EDA2R: variants seen among roughly 807,000 people sequenced by gnomAD.
EDA2R encodes the protein ectodysplasin A2 receptor.
EDA2R carries 26 observed loss-of-function variants against 20.1 expected under a neutral mutation model. The observed-to-expected ratio is 1.30, with a 90% CI of 0.95 to 1.80. The LOEUF (loss-of-function observed/expected upper bound fraction) is 1.80. Ranked by LOEUF, EDA2R falls within the 40% of genes most tolerant of loss-of-function variation. EDA2R has a pLI of 0.00. For missense variants in EDA2R, 277 were observed against 228.7 expected (o/e 1.21, Z -1.36); for synonymous variants, 114 against 88.7 (o/e 1.29, Z -1.60).
chrX:66,615,949 T>A lies in EDA2R; in HGVS notation c.72A>T (p.Gly24=). Residue 24 remains glycine (G), a synonymous_variant, in exon 2 of 7, where the codon GGA becomes GGT. Transcript: ENST00000374719. ...GATAACTTACCTTGGATAGCTCCTG[T>A]CCAGGACCACACCGTTGGCAGGTGA... The part of the protein sequence containing the change: ...RCVTCQRCGP[G]QELSKDCGYG... 1 of 1,209,449 alleles carries A rather than the reference T, an allele frequency of 8.3e-7. No homozygotes were observed. Among genetic ancestry groups the A allele is most frequent in the African/African-American group, 1.7e-5 (1 of 57,767 alleles).
intron 2 of EDA2R, among the ~76,000 whole-genome samples, chrX:66,608,095 A>G (rs1337471226): frequency 1.8e-5 from 2 of 111,942 alleles, no homozygotes; most frequent in Non-Finnish European, 3.8e-5. Flanking sequence ...AAACTTCACT[A>G]GAGAATTTGA....
intron 3 of EDA2R, 51 bp from the exon 4 acceptor site, chrX:66,604,557 T>A (rs892899151): frequency 1.1e-5 from 12 of 1,085,294 alleles, no homozygotes; most frequent in Admixed American, 9.2e-5. Context: ...AGCAATGCAC[T>A]TGGACCAGTT....
In EDA2R at chrX:66,599,474, C is replaced by T. The variant is rs762978487; in HGVS notation, c.*10G>A. ...TTTCTGATCCACCTTTCCAGCTCACCTCATTAGAGTTAAGGGCTGGGAACT... is the reference window on the plus strand; with the variant it reads ...TTTCTGATCCACCTTTCCAGCTCACTTCATTAGAGTTAAGGGCTGGGAACT... On this transcript the variant is annotated splice_region_variant and 3_prime_UTR_variant, in exon 6 of 7. Coordinates refer to ENST00000374719, the MANE Select transcript of EDA2R (RefSeq NM_021783.5). The T allele has an allele frequency of 3.5e-6, 4 of 1,134,529 alleles. No homozygotes were observed. The African/African-American group carries it at 5.5e-5, about 16-fold the overall frequency. The allele number at this position is 1,134,529 out of a possible 1,213,427, so 93.5% of individuals were successfully genotyped here.
At position 66,610,239 on chromosome X, in the gene EDA2R, TTAGA is replaced by T. The variant is rs759860334; in HGVS notation, c.88-5017_88-5014del. Among the ~76,000 whole-genome samples the T allele has an allele frequency of 6.2e-5, 6 of 96,323 alleles. No individual in the cohort carries two copies. In the South Asian group the frequency reaches 2.5e-3, roughly 41 times the overall value. 83.6% of individuals were successfully genotyped at this position (96,323 alleles called of 115,157 possible). On this transcript the variant is annotated intron_variant, in intron 2 of 6. Transcript: ENST00000374719. ...AAAAAGAAACACAAACAGCTCTTAT[TTAGA>T]TAAAGGATGTCTCTTAACCAGATAC...
chrX:66,601,483 C>T (rs190261255), intron 5 of EDA2R, among the ~76,000 whole-genome samples: 7 of 111,708 alleles, frequency 6.3e-5, no homozygotes, highest in African/African-American at 2.0e-4. Flanking sequence ...TATTCATCTC[C>T]AATTAAGCCA....
intron 6 of EDA2R, among the ~76,000 whole-genome samples, chrX:66,598,305 C>T (rs1927822462): frequency 1.8e-5 from 2 of 112,097 alleles, no homozygotes; most frequent in South Asian, 3.7e-4. Flanking sequence ...GCTCCACATA[C>T]TTTAGAAGAA....
intron 4 of EDA2R, among the ~76,000 whole-genome samples, 186 bp from the exon 5 acceptor site, chrX:66,602,983 A>G (rs1443264752): frequency 8.9e-6 from 1 of 112,285 alleles, no homozygotes. Context: ...AATAATTTGT[A>G]TATAGTGCTG....
intron 1 of EDA2R, among the ~76,000 whole-genome samples, chrX:66,632,610 A>AG (rs1360309512): frequency 3.1e-5 from 3 of 95,515 alleles, no homozygotes; most frequent in Admixed American, 1.0e-4. Flanking sequence ...CCAGAGAAGA[A>AG]AAAAAAAAAA....
intron 1 of EDA2R, 34 bp from the exon 2 acceptor site, chrX:66,616,064 G>A (rs779780449): frequency 4.8e-5 from 49 of 1,029,434 alleles, no homozygotes; most frequent in Non-Finnish European, 6.3e-5. Flanking sequence ...TAGCAAGCTA[G>A]TGGGAAGGGA....
At chrX:66,630,955 G>A (rs920878622) in intron 1 of EDA2R, among the ~76,000 whole-genome samples, 2 of 108,857 alleles carry the variant, frequency 1.8e-5, no homozygotes, top group African/African-American at 6.7e-5. Flanking sequence ...ACGTATGTGT[G>A]TATACATACA....
At chrX:66,612,863 A>T (rs374627631) in intron 2 of EDA2R, among the ~76,000 whole-genome samples, 53 of 111,314 alleles carry the variant, frequency 4.8e-4, no homozygotes, top group African/African-American at 1.4e-3. Context: ...ATTTATTGAG[A>T]ATTCTCCTTC....
intron 2 of EDA2R, 84 bp downstream of exon 2, chrX:66,615,850 A>G (rs1472340843): frequency 1.4e-6 from 1 of 728,956 alleles, no homozygotes; most frequent in East Asian, 3.4e-5. Flanking sequence ...AGTAGGGCTG[A>G]CTCCCCTAAT....
At chrX:66,614,990 C>G (rs1206295457) in intron 2 of EDA2R, among the ~76,000 whole-genome samples, 1 of 111,608 alleles carries the variant, frequency 9.0e-6, no homozygotes, top group African/African-American at 3.3e-5. Context: ...CACTAGTATC[C>G]TCTCCCCAGA....
At chrX:66,611,945 T>A (rs1216029522) in intron 2 of EDA2R, among the ~76,000 whole-genome samples, 1 of 111,518 alleles carries the variant, frequency 9.0e-6, no homozygotes, top group Non-Finnish European at 1.9e-5. Flanking sequence ...TAAATGGCAT[T>A]ACCTATAGAA....
At position 66,598,066 on chromosome X, in the gene EDA2R, G is replaced by T; in HGVS notation, c.*38C>A. 1.9e-5 allele frequency: 18 copies of T among 965,448 alleles called. No homozygotes were observed. The highest frequency in any genetic ancestry group is 2.4e-5 in the Non-Finnish European group (18 of 752,285). 79.6% of individuals were successfully genotyped at this position (965,448 alleles called of 1,213,427 possible). A position where few individuals can be genotyped will look rare whatever the true frequency, so the allele number is the denominator to read the frequency against. On this transcript the variant is annotated 3_prime_UTR_variant, in exon 7 of 7. Transcript: ENST00000374719. ...GGAACAGAGTCCAGAGAGAACAACT[G>T]GGCAAGGCTGCCAGGGGCCCAAGAG...
chrX:66,630,880 T>C (rs745350431), intron 1 of EDA2R, among the ~76,000 whole-genome samples: 1 of 108,853 alleles, frequency 9.2e-6, no homozygotes, highest in Admixed American at 9.7e-5. Context: ...TACACACACG[T>C]ATGTGTATGC....
chrX:66,599,473 C>A lies in EDA2R; in HGVS notation c.*10+1G>T, dbSNP rs186533309. 4 of 1,135,467 alleles carry A rather than the reference C, an allele frequency of 3.5e-6. No individual in the cohort carries two copies. In the Admixed American group the frequency reaches 1.2e-4, roughly 33 times the overall value. 93.6% of individuals were successfully genotyped at this position (1,135,467 alleles called of 1,213,427 possible). ...TTTTCTGATCCACCTTTCCAGCTCA[C>A]CTCATTAGAGTTAAGGGCTGGGAAC... On this transcript the variant is annotated splice_donor_variant, in intron 6 of 6. Coordinates refer to ENST00000374719, the MANE Select transcript of EDA2R (RefSeq NM_021783.5). LOFTEE classifies it low-confidence loss of function (3UTR_SPLICE).
chrX:66,622,240 A>T lies in EDA2R; in HGVS notation c.-10-6210T>A, dbSNP rs1932738356. Among the ~76,000 whole-genome samples, 3 of 111,822 alleles carry T rather than the reference A, an allele frequency of 2.7e-5. No homozygotes were observed. The South Asian group carries it at 1.1e-3, about 42-fold the overall frequency. The stretch of plus-strand genomic sequence containing the variant: ...AATGTAGACGATTAAGAATGCAAGC[A>T]GACAGGGAAGAGGAGAAACAATACA... On this transcript the variant is annotated intron_variant, in intron 1 of 6. Transcript: ENST00000374719.
At chrX:66,632,777 G>C (rs1224734823) in intron 1 of EDA2R, among the ~76,000 whole-genome samples, 1 of 111,271 alleles carries the variant, frequency 9.0e-6, no homozygotes, top group Non-Finnish European at 1.9e-5. Flanking sequence ...TTATCTTTTT[G>C]TGTTTAAGTA....
Sources: allele counts gnomAD v4.1 joint callset (sites outside exome capture counted in the v4.1 genomes callset), GRCh38; gene constraint gnomAD v4.1.1; transcripts MANE v1.5; gene names NCBI Gene and HGNC (gene_info 2026-07-23, HGNC 2026-07-21).